Variants in NBAS observed in about 807,000 individuals in gnomAD.
NBAS encodes the protein NBAS subunit of NRZ tethering complex.
Under a neutral mutation model 302.5 loss-of-function variants are expected in NBAS, and 219 were observed. The ratio of observed to expected loss-of-function variants is 0.72; its 90% confidence interval spans 0.65 to 0.81. NBAS has a LOEUF of 0.81. NBAS is among the 30% of genes least tolerant of loss of function. NBAS has a pLI of 0.00. For synonymous variants in NBAS, 1,118 were observed against 1,021.6 expected, an observed-to-expected ratio of 1.09 and a Z score of -1.80; for missense variants, 2,932 against 2,841.6, an observed-to-expected ratio of 1.03 and a Z score of -0.72.
At chr2:14,795,321 C>A in the NBAS span, among the ~76,000 whole-genome samples, 1 of 152,116 alleles carries the variant, frequency 6.6e-6, no homozygotes, top group African/African-American at 2.4e-5. Context: ...CTCACGGTGA[C>A]TTTAATTTGC....
At chr2:15,046,452 T>C in the NBAS span, among the ~76,000 whole-genome samples, 1 of 152,154 alleles carries the variant, frequency 6.6e-6, no homozygotes, top group Non-Finnish European at 1.5e-5. Flanking sequence ...GGATTATCAC[T>C]TAGACCCAAC....
At chr2:15,285,523 C>A (rs1669997808) in intron 42 of NBAS, among the ~76,000 whole-genome samples, 1 of 152,198 alleles carries the variant, frequency 6.6e-6, no homozygotes, top group South Asian at 2.1e-4. Flanking sequence ...TATTTCTCAT[C>A]TATGTGCGTA....
intron 9 of NBAS, among the ~76,000 whole-genome samples, chr2:15,520,132 T>G (rs962475075): frequency 6.6e-6 from 1 of 152,168 alleles, no homozygotes; most frequent in African/African-American, 2.4e-5. Context: ...CCAGGCACAG[T>G]GACTTACATA....
chr2:15,452,300 G>C (rs1265161479), intron 21 of NBAS, among the ~76,000 whole-genome samples: 3 of 152,142 alleles, frequency 2.0e-5, no homozygotes, highest in African/African-American at 7.2e-5. Context: ...AAAATTAAAA[G>C]TGTATCATGG....
At chr2:14,863,946 G>C in the NBAS span, among the ~76,000 whole-genome samples, 7 of 152,168 alleles carry the variant, frequency 4.6e-5, no homozygotes, top group African/African-American at 1.7e-4. Flanking sequence ...AGTGGCATTT[G>C]AGGGCAAAAG....
chr2:15,010,610 A>G, the NBAS span, among the ~76,000 whole-genome samples: 1 of 152,204 alleles, frequency 6.6e-6, no homozygotes, highest in African/African-American at 2.4e-5. Flanking sequence ...ACACAGCCCA[A>G]TTTCCCAGTA....
the NBAS span, among the ~76,000 whole-genome samples, chr2:15,048,164 G>A: frequency 2.0e-5 from 3 of 152,340 alleles, no homozygotes; most frequent in African/African-American, 7.2e-5. Flanking sequence ...CAGCCCTAGA[G>A]GCAGGGAGAG....
intron 48 of NBAS, among the ~76,000 whole-genome samples, chr2:15,198,423 G>A (rs1665717030): frequency 1.3e-5 from 2 of 152,166 alleles, no homozygotes; most frequent in African/African-American, 2.4e-5. Flanking sequence ...CACGAGAAAG[G>A]ATCTGAGGGA....
chr2:15,213,374 T>A (rs528727699), intron 48 of NBAS, among the ~76,000 whole-genome samples: 2 of 152,224 alleles, frequency 1.3e-5, no homozygotes, highest in Non-Finnish European at 2.9e-5. Flanking sequence ...ACATATATAG[T>A]ACCATGTATC....
chr2:15,170,681 A>C (rs764471714), intron 51 of NBAS, among the ~76,000 whole-genome samples: 4 of 152,206 alleles, frequency 2.6e-5, no homozygotes, highest in Non-Finnish European at 5.9e-5. Context: ...GTATACTTTA[A>C]GATTGTCAGC....
the NBAS span, among the ~76,000 whole-genome samples, chr2:14,910,283 C>A: frequency 6.6e-6 from 1 of 152,146 alleles, no homozygotes; most frequent in Non-Finnish European, 1.5e-5. Context: ...GGACCAGTTG[C>A]CCAAAGTCAC....
intron 38 of NBAS, among the ~76,000 whole-genome samples, chr2:15,325,453 T>A (rs572423916): frequency 6.6e-6 from 1 of 152,338 alleles, no homozygotes; most frequent in African/African-American, 2.4e-5. Flanking sequence ...GGTCTCAATG[T>A]TGATGGCTGC....
At chr2:15,388,991 C>CAT (rs1457081464) in intron 28 of NBAS, among the ~76,000 whole-genome samples, 10 of 151,728 alleles carry the variant, frequency 6.6e-5, no homozygotes, top group African/African-American at 9.7e-5. Flanking sequence ...ACAAACAATC[C>CAT]ATATATATAT....
At chr2:14,931,055 G>A in the NBAS span, among the ~76,000 whole-genome samples, 1 of 152,184 alleles carries the variant, frequency 6.6e-6, no homozygotes, top group Admixed American at 6.5e-5. Context: ...GGGGCCCAAA[G>A]CCCTGAATGA....
intron 9 of NBAS, among the ~76,000 whole-genome samples, chr2:15,520,871 T>C (rs772437651): frequency 2.0e-5 from 3 of 152,246 alleles, no homozygotes; most frequent in Non-Finnish European, 4.4e-5. Context: ...TCAACAGTCA[T>C]GCCCTCTTAA....
the NBAS span, among the ~76,000 whole-genome samples, chr2:15,161,087 T>G: frequency 6.6e-6 from 1 of 152,012 alleles, no homozygotes. Context: ...GAGTGTGGAG[T>G]TGAGCAAAAG....
intron 13 of NBAS, among the ~76,000 whole-genome samples, chr2:15,477,048 G>C (rs1324343914): frequency 6.6e-6 from 1 of 152,126 alleles, no homozygotes; most frequent in Non-Finnish European, 1.5e-5. Context: ...GTGAAAAGCA[G>C]AGTTCCTGGG....
intron 9 of NBAS, among the ~76,000 whole-genome samples, chr2:15,534,041 C>T (rs1039251139): frequency 2.0e-5 from 3 of 151,970 alleles, no homozygotes; most frequent in Non-Finnish European, 4.4e-5. Context: ...GTAGAAAATG[C>T]CATAAGGTTT....
At chr2:15,387,562 G>C (rs1031085438) in intron 28 of NBAS, among the ~76,000 whole-genome samples, 5 of 151,780 alleles carry the variant, frequency 3.3e-5, no homozygotes, top group Non-Finnish European at 7.4e-5. Flanking sequence ...TTATTCCTTT[G>C]AAATGAGTAG....
Sources: allele counts gnomAD v4.1 joint callset (sites outside exome capture counted in the v4.1 genomes callset), GRCh38; gene constraint gnomAD v4.1.1; transcripts MANE v1.5; gene names NCBI Gene and HGNC (gene_info 2026-07-23, HGNC 2026-07-21).